CNTN4: variants seen among roughly 807,000 people sequenced by gnomAD.
CNTN4 encodes contactin 4.
CNTN4 carries 77 observed loss-of-function variants against 122.5 expected under a neutral mutation model. The ratio of observed to expected loss-of-function variants is 0.63; its 90% confidence interval spans 0.52 to 0.76. The LOEUF is 0.76. Among genes scored for constraint, CNTN4 ranks in the 30% least tolerant of loss-of-function variants. The pLI, the probability that CNTN4 is intolerant of heterozygous loss-of-function variation, is 0.00. For synonymous variants in CNTN4, 512 were observed against 447.0 expected, an observed-to-expected ratio of 1.15 and a Z score of -1.83; for missense variants, 1,256 against 1,259.1, an observed-to-expected ratio of 1.00 and a Z score of 0.04.
chr3:2,892,485 G>A (rs1437399970), intron 10 of CNTN4, among the ~76,000 whole-genome samples: 2 of 152,216 alleles, frequency 1.3e-5, no homozygotes, highest in Non-Finnish European at 2.9e-5. Flanking sequence ...TCTACACAAA[G>A]TAGAATGAGA....
At chr3:2,676,960 A>T (rs2084881682) in intron 4 of CNTN4, among the ~76,000 whole-genome samples, 1 of 152,178 alleles carries the variant, frequency 6.6e-6, no homozygotes, top group Non-Finnish European at 1.5e-5. Flanking sequence ...TTCAATCTGT[A>T]AATGAAATCT....
At chr3:2,415,368 C>T (rs1297760605) in intron 3 of CNTN4, among the ~76,000 whole-genome samples, 2 of 152,210 alleles carry the variant, frequency 1.3e-5, no homozygotes, top group East Asian at 1.9e-4. Flanking sequence ...ATAATAGCTA[C>T]AGCCTCCTGG....
At chr3:2,272,574 A>G (rs1252792675) in intron 2 of CNTN4, among the ~76,000 whole-genome samples, 3 of 152,180 alleles carry the variant, frequency 2.0e-5, no homozygotes, top group Non-Finnish European at 1.5e-5. Flanking sequence ...ACCAAAAGAT[A>G]TGAGAATATT....
At chr3:2,961,133 G>A (rs2094852159) in intron 13 of CNTN4, among the ~76,000 whole-genome samples, 1 of 140,796 alleles carries the variant, frequency 7.1e-6, no homozygotes, top group South Asian at 2.4e-4. Context: ...GGGAGGCTGA[G>A]GCAGGAGAAT....
intron 6 of CNTN4, among the ~76,000 whole-genome samples, chr3:2,796,128 C>G (rs971636765): frequency 2.0e-5 from 3 of 151,992 alleles, no homozygotes; most frequent in East Asian, 3.9e-4. Flanking sequence ...TAAATTAAAT[C>G]CAAGTGCATC....
chr3:2,395,466 A>T (rs1304291097), intron 3 of CNTN4, among the ~76,000 whole-genome samples: 1 of 152,154 alleles, frequency 6.6e-6, no homozygotes, highest in Non-Finnish European at 1.5e-5. Flanking sequence ...AACTTTTAGG[A>T]TCACATGGTA....
intron 2 of CNTN4, among the ~76,000 whole-genome samples, chr3:2,206,203 C>T (rs1159960346): frequency 1.3e-5 from 2 of 152,090 alleles, no homozygotes; most frequent in African/African-American, 4.8e-5. Context: ...TCACTGCAAC[C>T]TCTTTCCAAA....
intron 3 of CNTN4, among the ~76,000 whole-genome samples, chr3:2,539,244 G>T (rs1017372898): frequency 6.6e-6 from 1 of 151,990 alleles, no homozygotes; most frequent in Non-Finnish European, 1.5e-5. Flanking sequence ...GTAATGTAGG[G>T]ATAAGATTCA....
chr3:2,947,788 G>A (rs1320985832), intron 13 of CNTN4, among the ~76,000 whole-genome samples: 1 of 152,126 alleles, frequency 6.6e-6, no homozygotes, highest in Non-Finnish European at 1.5e-5. Flanking sequence ...CCCAAGTGAG[G>A]GTTTTCTTTA....
chr3:2,768,678 G>T (rs1024352321), intron 6 of CNTN4, among the ~76,000 whole-genome samples: 1 of 152,170 alleles, frequency 6.6e-6, no homozygotes. Flanking sequence ...TTGGTCCTCT[G>T]TGTCTACTGC....
intron 23 of CNTN4, among the ~76,000 whole-genome samples, chr3:3,051,591 T>C (rs576084519): frequency 6.6e-6 from 1 of 152,304 alleles, no homozygotes; most frequent in East Asian, 1.9e-4. Context: ...GCTTTGACAC[T>C]CCTGAATGTG....
intron 4 of CNTN4, among the ~76,000 whole-genome samples, chr3:2,667,991 G>C (rs912950817): frequency 6.6e-6 from 1 of 152,082 alleles, no homozygotes; most frequent in African/African-American, 2.4e-5. Context: ...TTTGGTTACT[G>C]TAGCCTTGTA....
chr3:2,909,322 T>C (rs934417605), intron 12 of CNTN4, among the ~76,000 whole-genome samples: 1 of 152,202 alleles, frequency 6.6e-6, no homozygotes, highest in Non-Finnish European at 1.5e-5. Context: ...GTACCAGTAG[T>C]AGGAGGATGT....
chr3:2,575,836 T>G lies in CNTN4; in HGVS notation c.55+4278T>G, dbSNP rs1163580085. Among the ~76,000 whole-genome samples, 237 of 60,314 alleles carry G rather than the reference T, an allele frequency of 3.9e-3. 2 individuals carry two copies. The highest frequency in any genetic ancestry group is 0.013 in the African/African-American group (225 of 16,718). The allele number at this position is 60,314 out of a possible 152,430, so 39.6% of individuals were successfully genotyped here. A position where few individuals can be genotyped will look rare whatever the true frequency, so the allele number is the denominator to read the frequency against. ...TTTTTTTTTTTTTTTTTTTTTTTTT[T>G]TGTGAGAGAGAGTCTGGCTCTGCTG... On this transcript the variant is annotated intron_variant, in intron 4 of 24. Transcript: ENST00000418658.
chr3:2,582,040 GGC>G (rs1455562951), intron 4 of CNTN4, among the ~76,000 whole-genome samples: 7 of 152,180 alleles, frequency 4.6e-5, no homozygotes, highest in Non-Finnish European at 1.0e-4. Flanking sequence ...TGTCTTTTTA[GGC>G]TGATGAAAAT....
At chr3:2,767,881 T>C (rs990121713) in intron 6 of CNTN4, among the ~76,000 whole-genome samples, 4 of 152,228 alleles carry the variant, frequency 2.6e-5, no homozygotes, top group Admixed American at 2.6e-4. Context: ...TCAGTATTTT[T>C]GTGTTTTTTT....
chr3:2,539,659 A>G (rs1445026822), intron 3 of CNTN4, among the ~76,000 whole-genome samples: 1 of 152,110 alleles, frequency 6.6e-6, no homozygotes, highest in Admixed American at 6.6e-5. Context: ...TTCTAGGTTT[A>G]TGAATTTGAT....
chr3:2,225,137 C>T lies in CNTN4; in HGVS notation c.-144-114041C>T, dbSNP rs150536443. Among the ~76,000 whole-genome samples the T allele has an allele frequency of 9.5e-4, 141 of 148,848 alleles. 4 individuals are homozygous for T. The East Asian group carries it at 0.02, about 21-fold the overall frequency. Reference sequence around the variant, plus strand: ...CTGCACTCCAGCCTGGGCGACAGGGCGAGACTCTGTACCCACCACCCCCAA... The same window carrying T: ...CTGCACTCCAGCCTGGGCGACAGGGTGAGACTCTGTACCCACCACCCCCAA... On this transcript the variant is annotated intron_variant, in intron 2 of 24. Coordinates refer to ENST00000418658, the MANE Select transcript of CNTN4 (RefSeq NM_175607.3).
At chr3:2,194,874 C>T (rs912588705) in intron 2 of CNTN4, among the ~76,000 whole-genome samples, 1 of 152,300 alleles carries the variant, frequency 6.6e-6, no homozygotes, top group African/African-American at 2.4e-5. Flanking sequence ...TGATTTCAGA[C>T]TTCTAGCCTC....
Sources: gnomAD v4.1 joint callset for allele counts (sites outside exome capture counted in the v4.1 genomes callset) on GRCh38, gnomAD v4.1.1 for gene constraint, MANE v1.5 for transcripts, NCBI Gene and HGNC (gene_info 2026-07-23, HGNC 2026-07-21) for gene names.